HUNK: variants seen among roughly 807,000 people sequenced by gnomAD.
HUNK encodes the protein hormonally up-regulated neu tumor-associated kinase.
In HUNK, 21 loss-of-function variants were observed where a neutral mutation model predicts 61.0. The observed-to-expected ratio is 0.34, with a 90% CI of 0.24 to 0.50. The LOEUF is 0.50. Ranked by LOEUF, HUNK falls within the 20% of genes least tolerant of loss-of-function variation. The probability of loss-of-function intolerance (pLI) is 0.98; values close to 1 mark genes in which losing one functional copy is unlikely to be tolerated. For missense variants in HUNK, 772 were observed against 945.7 expected, an observed-to-expected ratio of 0.82 and a Z score of 2.41; for synonymous variants, 371 against 386.1, an observed-to-expected ratio of 0.96 and a Z score of 0.46.
intron 7 of HUNK, 139 bp from the exon 8 acceptor site, chr21:31,983,387 C>A: frequency 1.5e-6 from 1 of 681,836 alleles, no homozygotes; most frequent in Non-Finnish European, 2.5e-6. Flanking sequence ...TGGGGTGAGA[C>A]TTGATGTTGC....
intron 9 of HUNK, among the ~76,000 whole-genome samples, chr21:31,991,571 G>A (rs758723217): frequency 1.4e-4 from 22 of 152,154 alleles, no homozygotes; most frequent in Non-Finnish European, 3.1e-4. Context: ...GCAAAACCAG[G>A]TTTCTTCTTA....
chr21:31,990,241 G>A, intron 9 of HUNK, 65 bp downstream of exon 9: 1 of 1,365,330 alleles, frequency 7.3e-7, no homozygotes, highest in South Asian at 1.2e-5. Context: ...AATAGAGTAT[G>A]GAGAGAGAGA....
chr21:31,931,304 A>G (rs1057218002), intron 2 of HUNK, among the ~76,000 whole-genome samples: 7 of 152,040 alleles, frequency 4.6e-5, no homozygotes, highest in African/African-American at 4.8e-5. Context: ...ATGCCCCCCA[A>G]TACTCTTTGC....
At position 31,995,956 on chromosome 21, in the gene HUNK, A is replaced by G. The variant is rs750731147; in HGVS notation, c.1486+8A>G. 12 of 1,608,546 alleles carry G rather than the reference A, an allele frequency of 7.5e-6. No individual in the cohort carries two copies. The highest frequency in any genetic ancestry group is 4.0e-5 in the African/African-American group (3 of 74,700). On this transcript the variant is annotated splice_region_variant and intron_variant, in intron 10 of 10. Transcript: ENST00000270112. ...CCAGCTTCCCCGACAAAGGTGGGTC[A>G]GCTCTGGGGACTCTCTCAGGCCACT... is the stretch of plus-strand genomic sequence containing the variant.
At chr21:31,875,511 A>C (rs1406782054) in intron 1 of HUNK, among the ~76,000 whole-genome samples, 1 of 103,078 alleles carries the variant, frequency 9.7e-6, no homozygotes, top group Non-Finnish European at 1.9e-5. Flanking sequence ...AAAAAGGAAA[A>C]ACCTCCAAAC....
At chr21:31,902,994 A>G (rs1568920862) in intron 1 of HUNK, among the ~76,000 whole-genome samples, 1 of 152,008 alleles carries the variant, frequency 6.6e-6, no homozygotes, top group East Asian at 1.9e-4. Flanking sequence ...AAAGTGTCTA[A>G]TTTTACTTTT....
In HUNK at chr21:31,989,991, A is replaced by G. The variant is rs899219066; in HGVS notation, c.1258-138A>G. 63 of 754,214 alleles carry G rather than the reference A, an allele frequency of 8.4e-5. No individual in the cohort carries two copies. The East Asian group carries it at 1.6e-3, about 19-fold the overall frequency. 46.7% of individuals were successfully genotyped at this position (754,214 alleles called of 1,614,324 possible). A position where few individuals can be genotyped will look rare whatever the true frequency, so the allele number is the denominator to read the frequency against. Reference sequence around the variant, plus strand: ...ACATCTGCTGTCTACTTCCATGGCAATTTCAGGATTTGCTTTCTGTCTATG... The same window carrying G: ...ACATCTGCTGTCTACTTCCATGGCAGTTTCAGGATTTGCTTTCTGTCTATG... On this transcript the variant is annotated intron_variant, in intron 8 of 10. Transcript: ENST00000270112.
chr21:31,903,707 G>A (rs1310038733), intron 1 of HUNK, among the ~76,000 whole-genome samples: 3 of 152,262 alleles, frequency 2.0e-5, no homozygotes, highest in South Asian at 2.1e-4. Context: ...CTCCGTTAAC[G>A]GAAACAAAAG....
At chr21:31,884,980 G>T (rs1205463769) in intron 1 of HUNK, among the ~76,000 whole-genome samples, 1 of 151,988 alleles carries the variant, frequency 6.6e-6, no homozygotes, top group African/African-American at 2.4e-5. Context: ...GTTTTGCCTT[G>T]TTGGTCAGGC....
intron 1 of HUNK, among the ~76,000 whole-genome samples, chr21:31,886,171 T>C (rs1284574990): frequency 6.6e-6 from 1 of 152,128 alleles, no homozygotes; most frequent in African/African-American, 2.4e-5. Context: ...CCTATAATCT[T>C]AGCTCTTTGG....
At chr21:31,908,643 CA>C (rs2052524824) in intron 1 of HUNK, among the ~76,000 whole-genome samples, 1 of 152,194 alleles carries the variant, frequency 6.6e-6, no homozygotes, top group African/African-American at 2.4e-5. Flanking sequence ...GGATTCTCAG[CA>C]AGTTCCCCGT....
rs993630928 is a variant in HUNK, at chr21:32,002,225, C to G, written c.*3041C>G. The G allele has an allele frequency of 1.3e-5, 2 of 152,264 alleles. No individual in the cohort carries two copies. The highest frequency in any genetic ancestry group is 4.8e-5 in the African/African-American group (2 of 41,434). The allele number at this position is 152,264 out of a possible 1,614,324, so 9.4% of individuals were successfully genotyped here. The stretch of plus-strand genomic sequence containing the variant: ...ATCTCAGCCTCCCAAGTAGCTGGGA[C>G]TACAGTTGTGCACCACAATGCCTAG... On this transcript the variant is annotated 3_prime_UTR_variant, in exon 11 of 11. Transcript: ENST00000270112.
In HUNK at chr21:31,981,841, A is replaced by G. The variant is rs576945355; in HGVS notation, c.1174-1685A>G. On this transcript the variant is annotated intron_variant, in intron 7 of 10. Coordinates refer to ENST00000270112, the MANE Select transcript of HUNK (RefSeq NM_014586.2). ...TTCCTTTCCAATTTTGATCCCTTTT[A>G]TTTATTTATTTATTTACTTATTTAT... is the stretch of plus-strand genomic sequence containing the variant. Among the ~76,000 whole-genome samples the G allele has an allele frequency of 2.0e-5, 3 of 152,034 alleles. No individual in the cohort carries two copies. The East Asian group carries it at 5.8e-4, about 29-fold the overall frequency.
chr21:31,991,736 A>G (rs1295804450), intron 9 of HUNK, among the ~76,000 whole-genome samples: 2 of 152,210 alleles, frequency 1.3e-5, no homozygotes, highest in Non-Finnish European at 2.9e-5. Flanking sequence ...AGAAAAGCCC[A>G]TGTCGAACTG....
intron 1 of HUNK, among the ~76,000 whole-genome samples, chr21:31,889,698 C>G (rs1227604870): frequency 6.6e-6 from 1 of 152,138 alleles, no homozygotes; most frequent in African/African-American, 2.4e-5. Flanking sequence ...CATAATAAAA[C>G]TTGAATTTCT....
intron 6 of HUNK, among the ~76,000 whole-genome samples, chr21:31,968,749 TGTGTGAGAGA>T (rs1199483480): frequency 1.1e-5 from 1 of 95,048 alleles, no homozygotes; most frequent in African/African-American, 3.7e-5. Context: ...TGTGTGTGTG[TGTGTGAGAGA>T]GAGAGAGTGA....
intron 1 of HUNK, among the ~76,000 whole-genome samples, chr21:31,887,613 G>T (rs548654494): frequency 6.6e-6 from 1 of 152,160 alleles, no homozygotes. Context: ...TTCTTCAGAC[G>T]CTCTTGTATG....
chr21:31,890,288 G>A (rs1011486757), intron 1 of HUNK, among the ~76,000 whole-genome samples: 1 of 151,888 alleles, frequency 6.6e-6, no homozygotes, highest in Non-Finnish European at 1.5e-5. Context: ...GAGTGCAACG[G>A]CACAGTCTCG....
chr21:31,906,224 T>C (rs1428856188), intron 1 of HUNK, among the ~76,000 whole-genome samples: 2 of 152,304 alleles, frequency 1.3e-5, no homozygotes, highest in African/African-American at 4.8e-5. Context: ...TATCCCCGGC[T>C]TACTGATGAA....
Sources: allele counts gnomAD v4.1 joint callset (sites outside exome capture counted in the v4.1 genomes callset), GRCh38; gene constraint gnomAD v4.1.1; transcripts MANE v1.5; gene names NCBI Gene and HGNC (gene_info 2026-07-23, HGNC 2026-07-21).